Variants in WWOX observed in about 807,000 individuals in gnomAD.
The protein encoded by WWOX is WW domain containing oxidoreductase.
Under a neutral mutation model 46.2 loss-of-function variants are expected in WWOX, and 69 were observed. The ratio of observed to expected loss-of-function variants is 1.49; its 90% confidence interval spans 1.23 to 1.82. WWOX has a LOEUF of 1.82. WWOX is among the 40% of genes most tolerant of loss of function. WWOX has a pLI of 0.00. For synonymous variants in WWOX, 359 were observed against 202.6 expected, an observed-to-expected ratio of 1.77 and a Z score of -6.56; for missense variants, 919 against 542.6, an observed-to-expected ratio of 1.69 and a Z score of -6.89.
intron 8 of WWOX, among the ~76,000 whole-genome samples, chr16:78,616,171 C>T (rs187061958): frequency 6.6e-6 from 1 of 152,002 alleles, no homozygotes; most frequent in African/African-American, 2.4e-5. Context: ...CTTTCCCTGC[C>T]ATGTGTATGC....
chr16:78,528,165 ATTTTTTTTTTT>A (rs56803717), intron 8 of WWOX, among the ~76,000 whole-genome samples: 1 of 58,400 alleles, frequency 1.7e-5, no homozygotes, highest in South Asian at 8.1e-4. Context: ...CACCTGGCTA[ATTTTTTTTTTT>A]TTTTTTTTTT....
At chr16:78,686,238 G>A (rs894970789) in intron 8 of WWOX, among the ~76,000 whole-genome samples, 13 of 152,260 alleles carry the variant, frequency 8.5e-5, no homozygotes, top group African/African-American at 2.6e-4. Flanking sequence ...AAGGCCAGGC[G>A]CGGTGGCTCA....
At chr16:78,670,792 A>G (rs1421911628) in intron 8 of WWOX, among the ~76,000 whole-genome samples, 1 of 152,170 alleles carries the variant, frequency 6.6e-6, no homozygotes, top group Non-Finnish European at 1.5e-5. Context: ...GATTACAGAC[A>G]TGAGCCACTC....
At chr16:78,549,261 A>G (rs772757240) in intron 8 of WWOX, among the ~76,000 whole-genome samples, 1 of 152,224 alleles carries the variant, frequency 6.6e-6, no homozygotes, top group Non-Finnish European at 1.5e-5. Context: ...GAATAGATTC[A>G]TTCTTCACGT....
intron 8 of WWOX, among the ~76,000 whole-genome samples, chr16:78,472,293 CT>C (rs1260588571): frequency 1.3e-5 from 2 of 152,126 alleles, no homozygotes; most frequent in African/African-American, 2.4e-5. Context: ...TGGTCAGCCT[CT>C]TATCTCATAA....
chr16:78,492,162 A>T (rs1224515384), intron 8 of WWOX, among the ~76,000 whole-genome samples: 1 of 152,236 alleles, frequency 6.6e-6, no homozygotes, highest in African/African-American at 2.4e-5. Context: ...GTTTCCACAC[A>T]CAGGGAAGCA....
chr16:78,562,835 G>T (rs1014000164), intron 8 of WWOX, among the ~76,000 whole-genome samples: 1 of 152,156 alleles, frequency 6.6e-6, no homozygotes, highest in South Asian at 2.1e-4. Context: ...CCCCTCCCTG[G>T]TACGGAGTCA....
intron 5 of WWOX, among the ~76,000 whole-genome samples, chr16:78,373,595 T>C (rs780596355): frequency 1.3e-5 from 2 of 152,164 alleles, no homozygotes; most frequent in African/African-American, 4.8e-5. Context: ...GGACAGCTAG[T>C]TCTATCTGCA....
chr16:78,709,418 T>G (rs542657160), intron 8 of WWOX, among the ~76,000 whole-genome samples: 37 of 152,276 alleles, frequency 2.4e-4, no homozygotes, highest in African/African-American at 8.4e-4. Context: ...GGGCCCAGCC[T>G]GTTGCAAGTA....
At chr16:79,208,718 G>T (rs1345053617) in intron 8 of WWOX, among the ~76,000 whole-genome samples, 1 of 151,958 alleles carries the variant, frequency 6.6e-6, no homozygotes, top group African/African-American at 2.4e-5. Context: ...ATGTGCCTCA[G>T]TCTTATTCTG....
intron 8 of WWOX, chr16:78,526,062 A>G (rs2043458524): frequency 1.3e-5 from 2 of 152,146 alleles, no homozygotes; most frequent in African/African-American, 4.8e-5. Flanking sequence ...TCCTAACAGT[A>G]TTTCGGTGTG....
intron 8 of WWOX, among the ~76,000 whole-genome samples, chr16:78,597,777 TATAAA>T (rs1480818937): frequency 7.0e-6 from 1 of 143,162 alleles, no homozygotes; most frequent in Admixed American, 6.9e-5. Context: ...TATATATATA[TATAAA>T]ATATATTTCC....
Position 78,256,795 on chromosome 16 carries a change from T to G in WWOX, c.516+92506T>G, listed in dbSNP as rs115085404. On this transcript the variant is annotated intron_variant, in intron 5 of 8. Coordinates refer to ENST00000566780, the MANE Select transcript of WWOX (RefSeq NM_016373.4). ...AGTAGATTGCCTCAGACGCCCCCCTTTAGAATCACACAAGCTGTCATCTGT... is the reference window on the plus strand; with the variant it reads ...AGTAGATTGCCTCAGACGCCCCCCTGTAGAATCACACAAGCTGTCATCTGT... 6.7e-3 allele frequency among the ~76,000 whole-genome samples: 1,023 copies of G among 152,120 alleles called. 10 individuals are homozygous for G. The highest frequency in any genetic ancestry group is 0.024 in the African/African-American group (981 of 41,518).
chr16:78,119,949 A>G (rs2033004706), intron 4 of WWOX, among the ~76,000 whole-genome samples: 1 of 152,160 alleles, frequency 6.6e-6, no homozygotes, highest in African/African-American at 2.4e-5. Context: ...GCTGGGCTGC[A>G]TCATGTGTGT....
At chr16:78,399,756 C>G (rs1436941210) in intron 6 of WWOX, among the ~76,000 whole-genome samples, 1 of 151,546 alleles carries the variant, frequency 6.6e-6, no homozygotes, top group Non-Finnish European at 1.5e-5. Flanking sequence ...CTCTTAGCAT[C>G]CTAACCACCC....
At chr16:78,433,208 T>A (rs1284664348) in intron 8 of WWOX, among the ~76,000 whole-genome samples, 1 of 152,144 alleles carries the variant, frequency 6.6e-6, no homozygotes, top group East Asian at 1.9e-4. Flanking sequence ...TGTTCTAAAT[T>A]TTTTTCTTCT....
At chr16:78,538,182 A>G (rs548281748) in intron 8 of WWOX, among the ~76,000 whole-genome samples, 15 of 147,984 alleles carry the variant, frequency 1.0e-4, no homozygotes, top group African/African-American at 3.7e-4. Context: ...TCTGAAGAAG[A>G]TAGATTGTAA....
At chr16:78,785,383 A>G (rs149067408) in intron 8 of WWOX, among the ~76,000 whole-genome samples, 68 of 152,330 alleles carry the variant, frequency 4.5e-4, no homozygotes, top group African/African-American at 1.6e-3. Flanking sequence ...AGGCTGTTTG[A>G]GGACCCAAGG....
chr16:78,911,047 C>A (rs894858464), intron 8 of WWOX, among the ~76,000 whole-genome samples: 3 of 151,372 alleles, frequency 2.0e-5, no homozygotes, highest in Non-Finnish European at 3.0e-5. Flanking sequence ...TTCCCACAGC[C>A]TGTCGACTTC....
Sources: gnomAD v4.1 joint callset for allele counts (sites outside exome capture counted in the v4.1 genomes callset) on GRCh38, gnomAD v4.1.1 for gene constraint, MANE v1.5 for transcripts, NCBI Gene and HGNC (gene_info 2026-07-23, HGNC 2026-07-21) for gene names.